Variants in REPS2 observed in about 807,000 individuals in gnomAD.
REPS2 encodes RALBP1 associated Eps domain containing 2.
In REPS2, 23 loss-of-function variants were observed where a neutral mutation model predicts 53.6. The ratio of observed to expected loss-of-function variants is 0.43; its 90% CI spans 0.31 to 0.61. The LOEUF (loss-of-function observed/expected upper bound fraction) is 0.61, where lower values mean the gene tolerates loss of function less well. Ranked by LOEUF, REPS2 falls within the 20% of genes least tolerant of loss-of-function variation. REPS2 has a pLI of 0.11. For missense variants in REPS2, 446 were observed against 534.9 expected (o/e 0.83, Z 1.64); for synonymous variants, 238 against 218.6 (o/e 1.09, Z -0.78).
intron 2 of REPS2, among the ~76,000 whole-genome samples, chrX:17,016,725 T>C (rs1177317169): frequency 1.9e-5 from 2 of 108,057 alleles, no homozygotes; most frequent in African/African-American, 3.4e-5. Context: ...TTGAATTTAA[T>C]ATAATTTTCA....
intron 13 of REPS2, among the ~76,000 whole-genome samples, chrX:17,092,150 C>A (rs2062624865): frequency 8.9e-6 from 1 of 112,053 alleles, no homozygotes; most frequent in South Asian, 3.7e-4. Flanking sequence ...TTTCAATGGC[C>A]ACATCTGCTG....
At chrX:16,970,071 G>A (rs1029873912) in intron 1 of REPS2, among the ~76,000 whole-genome samples, 16 of 111,910 alleles carry the variant, frequency 1.4e-4, no homozygotes, top group Non-Finnish European at 2.6e-4. Flanking sequence ...CTTGCATATG[G>A]TTAAGATTAC....
intron 2 of REPS2, among the ~76,000 whole-genome samples, chrX:17,007,845 G>A (rs1241257350): frequency 8.9e-6 from 1 of 112,041 alleles, no homozygotes; most frequent in East Asian, 2.8e-4. Context: ...GCCGTTGTTC[G>A]TATCTTACAA....
At chrX:16,958,762 G>A (rs962989149) in intron 1 of REPS2, among the ~76,000 whole-genome samples, 22 of 111,890 alleles carry the variant, frequency 2.0e-4, no homozygotes, top group African/African-American at 6.5e-4. Flanking sequence ...ACAGAGCCTG[G>A]GTGTTGAAGC....
At chrX:17,136,413 A>G (rs2063366553) in intron 16 of REPS2, 1 of 110,729 alleles carries the variant, frequency 9.0e-6, no homozygotes, top group Non-Finnish European at 1.9e-5. Context: ...TTCACCGAGA[A>G]CTTTGACCAT....
At chrX:16,962,117 A>G (rs2060669530) in intron 1 of REPS2, among the ~76,000 whole-genome samples, 1 of 111,912 alleles carries the variant, frequency 8.9e-6, no homozygotes, top group Non-Finnish European at 1.9e-5. Flanking sequence ...CATATGATCC[A>G]GCAATTCCTC....
At chrX:17,135,222 G>A (rs973378146) in intron 15 of REPS2, 39 bp from the exon 16 acceptor site, 2 of 1,183,450 alleles carry the variant, frequency 1.7e-6, no homozygotes, top group East Asian at 3.0e-5. Flanking sequence ...ACATTGAAAT[G>A]TTTAACTTTT....
chrX:17,192,193 C>T, the REPS2 span, among the ~76,000 whole-genome samples: 24 of 112,290 alleles, frequency 2.1e-4, no homozygotes, highest in South Asian at 7.3e-4. Context: ...GATGTGTGTG[C>T]GTGTGTGTGT....
intron 8 of REPS2, among the ~76,000 whole-genome samples, chrX:17,057,544 C>T (rs868739415): frequency 8.9e-6 from 1 of 112,452 alleles, no homozygotes; most frequent in Non-Finnish European, 1.9e-5. Context: ...CTAACAATAC[C>T]TGCTTTCTGC....
At chrX:17,125,279 C>T (rs778506309) in intron 14 of REPS2, among the ~76,000 whole-genome samples, 5 of 111,356 alleles carry the variant, frequency 4.5e-5, no homozygotes, top group Non-Finnish European at 7.5e-5. Flanking sequence ...GCATATACCC[C>T]CATTCCCTCT....
At chrX:16,964,425 A>C in intron 1 of REPS2, among the ~76,000 whole-genome samples, 1 of 108,255 alleles carries the variant, frequency 9.2e-6, no homozygotes, top group East Asian at 3.0e-4. Context: ...TCCCATGTCT[A>C]CCTCTTTCCA....
At chrX:17,129,266 T>G (rs779146565) in intron 14 of REPS2, among the ~76,000 whole-genome samples, 2 of 112,281 alleles carry the variant, frequency 1.8e-5, no homozygotes, top group Non-Finnish European at 3.8e-5. Context: ...GCTTTCCACA[T>G]CCCAAGCCTA....
At chrX:16,962,958 G>A (rs1416588446) in intron 1 of REPS2, among the ~76,000 whole-genome samples, 4 of 111,333 alleles carry the variant, frequency 3.6e-5, no homozygotes, top group East Asian at 5.6e-4. Context: ...AGTTATCTGC[G>A]TGTGGTAGTG....
At chrX:17,144,225 T>A (rs2063483399) in intron 17 of REPS2, among the ~76,000 whole-genome samples, 2 of 112,710 alleles carry the variant, frequency 1.8e-5, no homozygotes, top group South Asian at 7.3e-4. Flanking sequence ...CTCTCCCTAT[T>A]TCTGGCCCAG....
intron 1 of REPS2, among the ~76,000 whole-genome samples, chrX:16,971,425 T>G (rs2060892915): frequency 8.9e-6 from 1 of 112,547 alleles, no homozygotes; most frequent in South Asian, 3.6e-4. Context: ...CATATTTTAG[T>G]CATCTATCAG....
chrX:17,096,659 C>CAAAA (rs1181603042), intron 13 of REPS2, among the ~76,000 whole-genome samples: 1 of 17,341 alleles, frequency 5.8e-5, no homozygotes, highest in Admixed American at 1.2e-3. Flanking sequence ...GACTCCGTCT[C>CAAAA]AAAAAAAAAA....
At chrX:17,142,355 C>A (rs1296735299) in intron 17 of REPS2, among the ~76,000 whole-genome samples, 1 of 111,319 alleles carries the variant, frequency 9.0e-6, no homozygotes, top group African/African-American at 3.3e-5. Context: ...AATTGGACTT[C>A]ATCAAAATTA....
chrX:17,105,130 G>A (rs886347592), intron 14 of REPS2, among the ~76,000 whole-genome samples: 1 of 110,403 alleles, frequency 9.1e-6, no homozygotes, highest in Non-Finnish European at 1.9e-5. Context: ...CTCCCAAATT[G>A]CAATCTGTCT....
At chrX:17,160,633 G>A in the REPS2 span, among the ~76,000 whole-genome samples, 1 of 111,999 alleles carries the variant, frequency 8.9e-6, no homozygotes, top group Non-Finnish European at 1.9e-5. Context: ...GCAGCAAGCT[G>A]ATATAAACAC....
Sources: allele counts gnomAD v4.1 joint callset (sites outside exome capture counted in the v4.1 genomes callset), GRCh38; gene constraint gnomAD v4.1.1; transcripts MANE v1.5; gene names NCBI Gene and HGNC (gene_info 2026-07-23, HGNC 2026-07-21).